The following TTC28 variants were observed in gnomAD, a reference collection of about 807,000 sequenced individuals.
The protein encoded by TTC28 is tetratricopeptide repeat domain 28.
A neutral mutation model predicts 198.0 loss-of-function variants in TTC28; 61 were observed. That is an observed-to-expected ratio of 0.31 (90% CI 0.25 to 0.38). TTC28 has a LOEUF of 0.38. Ranked by LOEUF, TTC28 falls within the 10% of genes least tolerant of loss-of-function variation. The probability of loss-of-function intolerance (pLI) is 1.00; values close to 1 mark genes in which losing one functional copy is unlikely to be tolerated. For synonymous variants in TTC28, 1,171 were observed against 1,297.8 expected (o/e 0.90, Z 2.10); for missense variants, 2,678 against 3,164.0 (o/e 0.85, Z 3.69).
intron 2 of TTC28, among the ~76,000 whole-genome samples, chr22:28,316,573 A>C (rs1240196498): frequency 6.6e-6 from 1 of 152,166 alleles, no homozygotes; most frequent in Non-Finnish European, 1.5e-5. Context: ...CTTTCAGTTC[A>C]TAAACAGGCT....
At chr22:28,452,224 C>T (rs1351119109) in intron 2 of TTC28, among the ~76,000 whole-genome samples, 2 of 151,602 alleles carry the variant, frequency 1.3e-5, no homozygotes, top group Non-Finnish European at 2.9e-5. Flanking sequence ...CCCATCTCTA[C>T]TAAAAATACA....
At chr22:28,176,767 A>G (rs1923203912) in intron 5 of TTC28, among the ~76,000 whole-genome samples, 1 of 152,230 alleles carries the variant, frequency 6.6e-6, no homozygotes, top group Non-Finnish European at 1.5e-5. Context: ...TATAATAACT[A>G]ATCTTTGACA....
At chr22:28,322,646 G>A (rs117577613) in intron 2 of TTC28, among the ~76,000 whole-genome samples, 1 of 152,234 alleles carries the variant, frequency 6.6e-6, no homozygotes, top group East Asian at 1.9e-4. Context: ...CCCTATTCTG[G>A]CACTGAAAAT....
chr22:28,589,659 C>T (rs2050388137), intron 2 of TTC28, among the ~76,000 whole-genome samples: 1 of 152,126 alleles, frequency 6.6e-6, no homozygotes, highest in Non-Finnish European at 1.5e-5. Flanking sequence ...TATTTTATCA[C>T]TCAAGATTGT....
At chr22:27,999,497 G>T in intron 15 of TTC28, 2 of 607,240 alleles carry the variant, frequency 3.3e-6, no homozygotes, top group South Asian at 4.3e-5. Flanking sequence ...CTGGATGGTA[G>T]GGGTCCTGAG....
intron 6 of TTC28, among the ~76,000 whole-genome samples, chr22:28,114,497 C>T (rs908996570): frequency 4.6e-5 from 7 of 152,048 alleles, no homozygotes; most frequent in Non-Finnish European, 8.8e-5. Flanking sequence ...TTATCTAACA[C>T]ACTTGCAGGT....
rs35766225 is a variant in TTC28, at chr22:28,283,325, TACAC to T, written c.933+12869_933+12872del. Among the ~76,000 whole-genome samples the T allele has an allele frequency of 4.5e-3, 675 of 149,624 alleles. 4 individuals are homozygous for T. Among genetic ancestry groups the T allele is most frequent in the Non-Finnish European group, 6.2e-3 (415 of 67,164 alleles). On this transcript the variant is annotated intron_variant, in intron 5 of 22. Coordinates refer to ENST00000397906, the MANE Select transcript of TTC28 (RefSeq NM_001145418.2). ...TACCTCAACTACATTCTTTCTCTCT[TACAC>T]ACACACACACACACACACACCACAA...
chr22:28,294,063 G>A (rs989017759), intron 5 of TTC28, among the ~76,000 whole-genome samples: 1 of 152,150 alleles, frequency 6.6e-6, no homozygotes. Flanking sequence ...TCACATAAGG[G>A]AAAAAAGAAA....
At chr22:28,286,060 C>T (rs533591746) in intron 5 of TTC28, among the ~76,000 whole-genome samples, 3 of 151,468 alleles carry the variant, frequency 2.0e-5, no homozygotes, top group Non-Finnish European at 4.4e-5. Flanking sequence ...AGTGCAGTGG[C>T]GTGATCTCGG....
intron 1 of TTC28, among the ~76,000 whole-genome samples, chr22:28,636,087 T>C (rs1246937429): frequency 6.7e-6 from 1 of 149,904 alleles, no homozygotes; most frequent in African/African-American, 2.4e-5. Flanking sequence ...TCCTTTAGCA[T>C]GACATCTCTA....
Position 28,544,707 on chromosome 22 carries a change from C to T in TTC28, c.381+84845G>A, listed in dbSNP as rs191392182. On this transcript the variant is annotated intron_variant, in intron 2 of 22. Transcript: ENST00000397906. ...CCACAACCCACCAAAACCAAGATGG[C>T]CCCAAAAGTGACCTCTGGTCATCCT... Among the ~76,000 whole-genome samples the T allele has an allele frequency of 7.9e-5, 12 of 152,282 alleles. No individual in the cohort carries two copies. In the East Asian group the frequency reaches 2.3e-3, roughly 29 times the overall value.
chr22:28,518,322 T>C (rs1388976179), intron 2 of TTC28, among the ~76,000 whole-genome samples: 4 of 152,086 alleles, frequency 2.6e-5, no homozygotes, highest in Non-Finnish European at 5.9e-5. Flanking sequence ...TTTTTGAAAA[T>C]GAGTATACAA....
chr22:27,986,752 G>A (rs777837994), intron 21 of TTC28, among the ~76,000 whole-genome samples: 6 of 152,114 alleles, frequency 3.9e-5, no homozygotes, highest in South Asian at 2.1e-4. Flanking sequence ...ACTTGTATTC[G>A]GGGATCTGGA....
chr22:28,061,186 T>C (rs1282671606), intron 12 of TTC28, among the ~76,000 whole-genome samples: 5 of 152,222 alleles, frequency 3.3e-5, no homozygotes, highest in Non-Finnish European at 7.3e-5. Flanking sequence ...ACTCTGATGG[T>C]AGTTTCTTTT....
intron 5 of TTC28, among the ~76,000 whole-genome samples, chr22:28,187,493 A>G (rs533889055): frequency 6.6e-6 from 1 of 151,472 alleles, no homozygotes; most frequent in Non-Finnish European, 1.5e-5. Flanking sequence ...TATATACTAT[A>G]CACACTATAC....
intron 2 of TTC28, among the ~76,000 whole-genome samples, chr22:28,568,905 G>C (rs1202201092): frequency 6.6e-6 from 1 of 152,068 alleles, no homozygotes; most frequent in African/African-American, 2.4e-5. Context: ...CCAGCACTTT[G>C]GGAGGCCAAG....
At chr22:28,478,200 T>C in intron 2 of TTC28, among the ~76,000 whole-genome samples, 1 of 152,148 alleles carries the variant, frequency 6.6e-6, no homozygotes, top group Admixed American at 6.5e-5. Flanking sequence ...GCTGTAGTAA[T>C]GGTAGTCATA....
intron 1 of TTC28, among the ~76,000 whole-genome samples, chr22:28,671,148 T>C (rs1379272450): frequency 1.3e-5 from 2 of 151,988 alleles, no homozygotes; most frequent in Non-Finnish European, 2.9e-5. Flanking sequence ...TGTTACTATG[T>C]TGCCCAGGCT....
intron 2 of TTC28, among the ~76,000 whole-genome samples, chr22:28,536,617 C>G (rs1453965083): frequency 6.6e-6 from 1 of 151,968 alleles, no homozygotes; most frequent in African/African-American, 2.4e-5. Context: ...GAGCGAGACT[C>G]CGTCTCAAAA....
Sources: allele counts gnomAD v4.1 joint callset (sites outside exome capture counted in the v4.1 genomes callset), GRCh38; gene constraint gnomAD v4.1.1; transcripts MANE v1.5; gene names NCBI Gene and HGNC (gene_info 2026-07-23, HGNC 2026-07-21).